Variants in MTMR7 observed in about 807,000 individuals in gnomAD.
The protein encoded by MTMR7 is myotubularin related protein 7.
A neutral mutation model predicts 81.2 loss-of-function variants in MTMR7; 76 were observed. The ratio of observed to expected loss-of-function variants is 0.94; its 90% CI spans 0.78 to 1.13. The LOEUF is 1.13. Among genes scored for constraint, MTMR7 ranks in the 50% most tolerant of loss-of-function variants. The probability of loss-of-function intolerance (pLI) is 0.00; values close to 1 mark genes in which losing one functional copy is unlikely to be tolerated. For synonymous variants in MTMR7, 372 were observed against 289.8 expected (o/e 1.28, Z -2.88); for missense variants, 1,044 against 820.0 (o/e 1.27, Z -3.34).
intron 4 of MTMR7, among the ~76,000 whole-genome samples, chr8:17,357,615 T>A (rs564794095): frequency 1.3e-5 from 2 of 152,236 alleles, no homozygotes; most frequent in Non-Finnish European, 2.9e-5. Context: ...GAGAATATCC[T>A]GTACATCGTT....
chr8:17,394,921 C>G (rs1821206544), intron 1 of MTMR7, among the ~76,000 whole-genome samples: 1 of 151,944 alleles, frequency 6.6e-6, no homozygotes, highest in Non-Finnish European at 1.5e-5. Flanking sequence ...TTAAATGTCA[C>G]AAAATACACA....
At chr8:17,329,742 C>T (rs1563337559) in intron 7 of MTMR7, among the ~76,000 whole-genome samples, 1 of 152,136 alleles carries the variant, frequency 6.6e-6, no homozygotes, top group African/African-American at 2.4e-5. Context: ...AATTTTTCAA[C>T]ACATAAAAAA....
chr8:17,358,262 G>C (rs1819955112), intron 4 of MTMR7, among the ~76,000 whole-genome samples: 1 of 152,144 alleles, frequency 6.6e-6, no homozygotes, highest in Non-Finnish European at 1.5e-5. Flanking sequence ...GAAAGAAACA[G>C]TGGAAATATA....
chr8:17,385,306 T>C (rs1820896462), intron 1 of MTMR7, among the ~76,000 whole-genome samples: 1 of 152,058 alleles, frequency 6.6e-6, no homozygotes, highest in South Asian at 2.1e-4. Context: ...TTTGGCTGTG[T>C]CCCCACGCAA....
intron 7 of MTMR7, among the ~76,000 whole-genome samples, chr8:17,327,641 T>TAA (rs56151155): frequency 8.7e-5 from 13 of 148,624 alleles, no homozygotes; most frequent in African/African-American, 3.2e-4. Flanking sequence ...AGAAACCTGG[T>TAA]AAAAAAAAAA....
At chr8:17,403,670 A>G (rs112590153) in intron 1 of MTMR7, among the ~76,000 whole-genome samples, 4,026 of 152,284 alleles carry the variant, frequency 0.026, 177 homozygotes, top group African/African-American at 0.092. Context: ...TTGTATGGAC[A>G]TTTTAACAAT....
At chr8:17,407,610 C>A (rs765434584) in intron 1 of MTMR7, among the ~76,000 whole-genome samples, 2 of 150,510 alleles carry the variant, frequency 1.3e-5, no homozygotes, top group Non-Finnish European at 1.5e-5. Context: ...AAAAAAAAAG[C>A]CCCACATAAC....
chr8:17,319,340 G>T (rs140210340), intron 7 of MTMR7, among the ~76,000 whole-genome samples: 82 of 152,314 alleles, frequency 5.4e-4, no homozygotes, highest in African/African-American at 1.5e-3. Context: ...TCCCGAAAAT[G>T]GTAGCTATGA....
chr8:17,309,010 A>T (rs1211184465), intron 10 of MTMR7, among the ~76,000 whole-genome samples: 1 of 152,220 alleles, frequency 6.6e-6, no homozygotes, highest in East Asian at 1.9e-4. Context: ...GAGGAAGGGA[A>T]GGCTGATCCT....
At chr8:17,367,880 T>G (rs557888286) in intron 3 of MTMR7, among the ~76,000 whole-genome samples, 9 of 151,852 alleles carry the variant, frequency 5.9e-5, no homozygotes, top group South Asian at 2.1e-4. Flanking sequence ...TTTTTTTTTT[T>G]TTTTCTATTT....
intron 1 of MTMR7, among the ~76,000 whole-genome samples, chr8:17,393,957 A>G (rs1343498190): frequency 6.6e-6 from 1 of 152,240 alleles, no homozygotes; most frequent in Non-Finnish European, 1.5e-5. Flanking sequence ...AAAGATGCTC[A>G]ACATAATTAG....
At chr8:17,326,716 A>AT (rs1370859646) in intron 7 of MTMR7, among the ~76,000 whole-genome samples, 2 of 152,206 alleles carry the variant, frequency 1.3e-5, no homozygotes, top group Non-Finnish European at 2.9e-5. Flanking sequence ...GCCAACAACC[A>AT]TAAGTGCTTG....
At chr8:17,323,921 A>G (rs185969348) in intron 7 of MTMR7, among the ~76,000 whole-genome samples, 27 of 152,348 alleles carry the variant, frequency 1.8e-4, no homozygotes, top group Admixed American at 3.3e-4. Context: ...ATAATTCTGA[A>G]GGTGAACATT....
chr8:17,308,769 A>T (rs773979709), intron 10 of MTMR7, among the ~76,000 whole-genome samples: 27 of 152,166 alleles, frequency 1.8e-4, no homozygotes, highest in Non-Finnish European at 5.9e-5. Flanking sequence ...CAGACGTCCA[A>T]GGCCAGACAG....
At chr8:17,386,100 G>A (rs1388098617) in intron 1 of MTMR7, among the ~76,000 whole-genome samples, 1 of 152,168 alleles carries the variant, frequency 6.6e-6, no homozygotes, top group African/African-American at 2.4e-5. Flanking sequence ...TCCTGGCCAG[G>A]AGCAGTGGCT....
Position 17,336,048 on chromosome 8 carries a change from T to C in MTMR7, c.733-4766A>G, listed in dbSNP as rs747275821. Among the ~76,000 whole-genome samples the C allele has an allele frequency of 2.6e-5, 4 of 152,340 alleles. No individual in the cohort carries two copies. The Middle Eastern group carries it at 0.01, about 389-fold the overall frequency. The stretch of plus-strand genomic sequence containing the variant: ...GGAAAGCTCGGCAGGGTTCCAATTC[T>C]CTCTTCATCGGTTGACATGAGTTGG... On this transcript the variant is annotated intron_variant, in intron 6 of 13. Coordinates refer to ENST00000180173, the MANE Select transcript of MTMR7 (RefSeq NM_004686.5).
At chr8:17,302,066 T>C in intron 13 of MTMR7, 88 bp downstream of exon 13, 1 of 1,540,550 alleles carries the variant, frequency 6.5e-7, no homozygotes. Context: ...AATATTTGTA[T>C]TGCACTGAAT....
intron 6 of MTMR7, among the ~76,000 whole-genome samples, chr8:17,332,543 CATG>C: frequency 6.6e-6 from 1 of 152,168 alleles, no homozygotes; most frequent in Non-Finnish European, 1.5e-5. Context: ...GGGGTTATAT[CATG>C]ATGAGCCCAT....
At chr8:17,342,394 T>C (rs1027981058) in intron 5 of MTMR7, among the ~76,000 whole-genome samples, 5 of 152,186 alleles carry the variant, frequency 3.3e-5, no homozygotes, top group South Asian at 2.1e-4. Flanking sequence ...ACAGAACCCC[T>C]CCATGCAGGA....
Sources: allele counts gnomAD v4.1 joint callset (sites outside exome capture counted in the v4.1 genomes callset), GRCh38; gene constraint gnomAD v4.1.1; transcripts MANE v1.5; gene names NCBI Gene and HGNC (gene_info 2026-07-23, HGNC 2026-07-21).